PPHLN1: variants seen among roughly 807,000 people sequenced by gnomAD.
PPHLN1 encodes periphilin 1, also known as periphilin-1.
Under a neutral mutation model 51.3 loss-of-function variants are expected in PPHLN1, and 29 were observed. That is an observed-to-expected ratio of 0.57 (90% confidence interval 0.42 to 0.77). The LOEUF (loss-of-function observed/expected upper bound fraction) is 0.77, where lower values mean the gene tolerates loss of function less well. PPHLN1 is among the 30% of genes least tolerant of loss of function. The probability of loss-of-function intolerance (pLI) is 0.00; values close to 1 mark genes in which losing one functional copy is unlikely to be tolerated. For synonymous variants in PPHLN1, 147 were observed against 147.8 expected (o/e 0.99, Z 0.04); for missense variants, 436 against 438.4 (o/e 0.99, Z 0.05).
intron 9 of PPHLN1, among the ~76,000 whole-genome samples, chr12:42,418,722 A>G (rs1368766464): frequency 6.6e-6 from 1 of 152,174 alleles, no homozygotes; most frequent in Non-Finnish European, 1.5e-5. Context: ...GTAGTTCTCC[A>G]TCATTGAACC....
chr12:42,393,945 T>C (rs989330797), intron 8 of PPHLN1, among the ~76,000 whole-genome samples: 10 of 152,198 alleles, frequency 6.6e-5, no homozygotes, highest in African/African-American at 2.4e-4. Flanking sequence ...AATGCGTTAT[T>C]TATATACTTC....
intron 4 of PPHLN1, among the ~76,000 whole-genome samples, chr12:42,369,674 T>C (rs2075613686): frequency 6.6e-6 from 1 of 152,198 alleles, no homozygotes; most frequent in African/African-American, 2.4e-5. Flanking sequence ...TTGGTCAAGG[T>C]CATCCAGTTG....
intron 7 of PPHLN1, among the ~76,000 whole-genome samples, chr12:42,388,979 C>T (rs904256879): frequency 2.0e-5 from 3 of 152,018 alleles, no homozygotes; most frequent in Admixed American, 6.5e-5. Context: ...TGGCTTACGC[C>T]GGTAATCCCA....
intron 9 of PPHLN1, chr12:42,400,147 C>T (rs562184191): frequency 3.9e-5 from 6 of 151,974 alleles, no homozygotes; most frequent in Admixed American, 1.3e-4. Context: ...CTGCCATCAC[C>T]GAGAACAGTA....
chr12:42,387,477 C>T lies in PPHLN1; in HGVS notation c.590C>T (p.Ser197Phe). The T allele has an allele frequency of 6.2e-7, 1 of 1,613,258 alleles. No individual in the cohort carries two copies. Reference protein sequence around the residue: ...PERDKERPVQSLKTSRDTSPS... With the variant: ...PERDKERPVQFLKTSRDTSPS... ...ATAGATAAAGAGAGGCCTGTCCAGT[C>T]TTTGAAAACATCAAGAGATACTTCA... Residue 197 changes from serine to phenylalanine, a missense_variant, in exon 7 of 10, where the codon TCT (serine) becomes TTT (phenylalanine). Transcript: ENST00000358314.
At chr12:42,329,109 T>G (rs1412304493) in intron 1 of PPHLN1, among the ~76,000 whole-genome samples, 2 of 101,142 alleles carry the variant, frequency 2.0e-5, no homozygotes, top group African/African-American at 8.1e-5. Context: ...TTTTTTTTTT[T>G]GTGTGTGTGT....
intron 9 of PPHLN1, among the ~76,000 whole-genome samples, chr12:42,434,685 T>C (rs1185711971): frequency 6.6e-6 from 1 of 152,126 alleles, no homozygotes; most frequent in Non-Finnish European, 1.5e-5. Context: ...ACTGTTTCTT[T>C]ATGTTTTTGT....
At chr12:42,329,347 C>T (rs1479861896) in intron 1 of PPHLN1, among the ~76,000 whole-genome samples, 2 of 152,038 alleles carry the variant, frequency 1.3e-5, no homozygotes, top group African/African-American at 2.4e-5. Context: ...CTTCGTGATC[C>T]GCCCCCCTCG....
chr12:42,420,043 C>A (rs1191430242), intron 9 of PPHLN1, among the ~76,000 whole-genome samples: 1 of 152,162 alleles, frequency 6.6e-6, no homozygotes, highest in Admixed American at 6.5e-5. Context: ...AACATGACTT[C>A]TTTGCCATCA....
rs2083003248 is a variant in PPHLN1 at position 42,441,959 on chromosome 12, G to GA, written c.*452dup. 1 of 961,106 alleles carries GA rather than the reference G, an allele frequency of 1.0e-6. No individual in the cohort carries two copies. Among genetic ancestry groups the GA allele is most frequent in the Middle Eastern group, 5.4e-4 (1 of 1,868 alleles). 59.5% of individuals were successfully genotyped at this position (961,106 alleles called of 1,614,324 possible). A position where few individuals can be genotyped will look rare whatever the true frequency, so the allele number is the denominator to read the frequency against. On this transcript the variant is annotated 3_prime_UTR_variant, in exon 10 of 10. Transcript: ENST00000358314. ...AAACTGAATACTTTGGTATCTTAGA[G>GA]AATATTTGCTTTGAGAGTAATTCTC... is the stretch of plus-strand genomic sequence containing the variant.
intron 2 of PPHLN1, among the ~76,000 whole-genome samples, chr12:42,348,171 T>C (rs1284161759): frequency 1.3e-5 from 2 of 151,742 alleles, no homozygotes; most frequent in Non-Finnish European, 2.9e-5. Flanking sequence ...AGTGCAGTGG[T>C]GCGAGCTCAG....
intron 1 of PPHLN1, chr12:42,331,984 T>C (rs2069817105): frequency 6.6e-6 from 1 of 152,246 alleles, no homozygotes. Context: ...CAGCTATTTT[T>C]AAATCCTTTA....
At chr12:42,331,084 T>C (rs2069661961) in intron 1 of PPHLN1, among the ~76,000 whole-genome samples, 1 of 152,218 alleles carries the variant, frequency 6.6e-6, no homozygotes. Context: ...TCTCTCTTTC[T>C]TTTCCCCACA....
intron 9 of PPHLN1, among the ~76,000 whole-genome samples, chr12:42,425,112 C>T (rs1462340913): frequency 3.3e-5 from 5 of 151,702 alleles, no homozygotes; most frequent in Non-Finnish European, 5.9e-5. Flanking sequence ...TAGAGTTTCG[C>T]TCTTGCTGCC....
In PPHLN1 at chr12:42,388,036, T is replaced by C. The variant is rs1340434971; in HGVS notation, c.648+501T>C. 2.0e-5 allele frequency among the ~76,000 whole-genome samples: 3 copies of C among 152,228 alleles called. 1 individual carries two copies. The highest frequency in any genetic ancestry group is 2.0e-4 in the Admixed American group (3 of 15,292). On this transcript the variant is annotated intron_variant, in intron 7 of 9. Coordinates refer to ENST00000358314, the MANE Select transcript of PPHLN1 (RefSeq NM_201439.2). Reference sequence around the variant, plus strand: ...CGGAACGCCGCAGGGACCTCTGCCCTGGAAAGCCAGGTATTGTCCAAGGTT... The same window carrying C: ...CGGAACGCCGCAGGGACCTCTGCCCCGGAAAGCCAGGTATTGTCCAAGGTT...
chr12:42,374,605 T>TC, intron 4 of PPHLN1: 1 of 237,614 alleles, frequency 4.2e-6, no homozygotes. Flanking sequence ...CACGCCCAGC[T>TC]AATTTTTTTT....
chr12:42,403,120 A>G (rs2078984570), intron 9 of PPHLN1, among the ~76,000 whole-genome samples: 1 of 152,198 alleles, frequency 6.6e-6, no homozygotes, highest in African/African-American at 2.4e-5. Flanking sequence ...TTGTAGGTTC[A>G]AGATCTAAGC....
intron 1 of PPHLN1, among the ~76,000 whole-genome samples, chr12:42,333,607 C>T (rs920510313): frequency 2.6e-5 from 4 of 151,938 alleles, no homozygotes; most frequent in African/African-American, 4.8e-5. Context: ...CTCAGCCTCC[C>T]GAGTAGCTGG....
chr12:42,361,737 A>C (rs111343267), intron 4 of PPHLN1: 2 of 152,240 alleles, frequency 1.3e-5, no homozygotes, highest in Non-Finnish European at 2.9e-5. Context: ...CATTAATTCT[A>C]TTGACAGTGT....
Sources: gnomAD v4.1 joint callset for allele counts (sites outside exome capture counted in the v4.1 genomes callset) on GRCh38, gnomAD v4.1.1 for gene constraint, MANE v1.5 for transcripts, NCBI Gene and HGNC (gene_info 2026-07-23, HGNC 2026-07-21) for gene names.